KCNMB4: variants seen among roughly 807,000 people sequenced by gnomAD.
The protein encoded by KCNMB4 is calcium-activated potassium channel subunit beta-4.
A neutral mutation model predicts 20.7 loss-of-function variants in KCNMB4; 3 were observed. The observed-to-expected ratio is 0.14, with a 90% CI of 0.07 to 0.37. The LOEUF (loss-of-function observed/expected upper bound fraction) is 0.37, where lower values mean the gene tolerates loss of function less well. KCNMB4 is among the 10% of genes least tolerant of loss of function. The probability of loss-of-function intolerance (pLI) is 1.00; values close to 1 mark genes in which losing one functional copy is unlikely to be tolerated. For synonymous variants in KCNMB4, 110 were observed against 113.4 expected (o/e 0.97, Z 0.19); for missense variants, 168 against 265.9 (o/e 0.63, Z 2.56).
chr12:70,418,289 G>A (rs1454221005), intron 2 of KCNMB4, among the ~76,000 whole-genome samples: 1 of 152,176 alleles, frequency 6.6e-6, no homozygotes, highest in Non-Finnish European at 1.5e-5. Context: ...CGTTGCAAGT[G>A]TGTGATCTGT....
At chr12:70,370,647 C>G (rs1414555499) in intron 1 of KCNMB4, among the ~76,000 whole-genome samples, 1 of 151,456 alleles carries the variant, frequency 6.6e-6, no homozygotes, top group Non-Finnish European at 1.5e-5. Context: ...AAAGGAAATT[C>G]TGAAGGAAAG....
rs148934814 is a variant in KCNMB4, at chr12:70,419,780, G to A, written c.465-10705G>A. Among the ~76,000 whole-genome samples the A allele has an allele frequency of 2.9e-3, 435 of 152,226 alleles. 2 individuals carry two copies. Among genetic ancestry groups the A allele is most frequent in the African/African-American group, 0.01 (426 of 41,546 alleles). On this transcript the variant is annotated intron_variant, in intron 2 of 2. Transcript: ENST00000258111. Reference sequence around the variant, plus strand: ...AAAGATGTATTACAAAGACAAAAAGGATATTCTATAAAAAGTAAGGAGGCA... The same window carrying A: ...AAAGATGTATTACAAAGACAAAAAGAATATTCTATAAAAAGTAAGGAGGCA...
At chr12:70,426,373 C>T (rs1210127335) in intron 2 of KCNMB4, among the ~76,000 whole-genome samples, 1 of 151,976 alleles carries the variant, frequency 6.6e-6, no homozygotes, top group African/African-American at 2.4e-5. Flanking sequence ...AGCTAAGTAG[C>T]ATTGCATTTC....
chr12:70,410,662 CAT>C (rs1464268962), intron 2 of KCNMB4, among the ~76,000 whole-genome samples: 1 of 152,168 alleles, frequency 6.6e-6, no homozygotes, highest in Non-Finnish European at 1.5e-5. Context: ...TTAGTAAACA[CAT>C]ATGCTTTTCT....
chr12:70,389,597 G>A (rs1868283882), intron 1 of KCNMB4, among the ~76,000 whole-genome samples: 1 of 152,140 alleles, frequency 6.6e-6, no homozygotes, highest in Non-Finnish European at 1.5e-5. Flanking sequence ...GGGGGGCTAA[G>A]GCAGAAGGAT....
At chr12:70,392,628 A>G (rs1868309726) in intron 1 of KCNMB4, among the ~76,000 whole-genome samples, 1 of 152,236 alleles carries the variant, frequency 6.6e-6, no homozygotes, top group Non-Finnish European at 1.5e-5. Flanking sequence ...TGGCACGTAT[A>G]CACCATGGAA....
Position 70,430,664 on chromosome 12 carries a change from G to A in KCNMB4, c.*11G>A. On this transcript the variant is annotated 3_prime_UTR_variant, in exon 3 of 3. Coordinates refer to ENST00000258111, the MANE Select transcript of KCNMB4 (RefSeq NM_014505.6). ...CGCAAGTTCTCTTAAAGGGGAAGGA[G>A]GCTTGTAGAAAGCAAAGTACAGAAG... 13 of 1,598,296 alleles carry A rather than the reference G, an allele frequency of 8.1e-6. No homozygotes were observed. The highest frequency in any genetic ancestry group is 1.4e-5 in the African/African-American group (1 of 73,798).
chr12:70,410,884 T>G (rs1024053033), intron 2 of KCNMB4, among the ~76,000 whole-genome samples: 3 of 152,210 alleles, frequency 2.0e-5, no homozygotes, highest in Non-Finnish European at 4.4e-5. Context: ...ATTTCTAAGT[T>G]CACTCAAAGT....
At chr12:70,382,094 A>G (rs1442531073) in intron 1 of KCNMB4, among the ~76,000 whole-genome samples, 1 of 152,248 alleles carries the variant, frequency 6.6e-6, no homozygotes, top group Non-Finnish European at 1.5e-5. Flanking sequence ...TATTTGGAAA[A>G]TATTTACTTA....
At chr12:70,370,971 A>G (rs753637773) in intron 1 of KCNMB4, among the ~76,000 whole-genome samples, 3 of 152,066 alleles carry the variant, frequency 2.0e-5, no homozygotes, top group Non-Finnish European at 2.9e-5. Context: ...ATTCCCCTGC[A>G]TCAGCCACCC....
chr12:70,406,258 G>A (rs996354433), intron 2 of KCNMB4, among the ~76,000 whole-genome samples: 1 of 152,096 alleles, frequency 6.6e-6, no homozygotes, highest in Admixed American at 6.5e-5. Context: ...CAACAGTAAT[G>A]TATTGTACAC....
chr12:70,422,900 A>G, intron 2 of KCNMB4: 2 of 1,097,234 alleles, frequency 1.8e-6, no homozygotes. Flanking sequence ...CAGAGTGGCG[A>G]CGGTTTCCCC....
chr12:70,408,685 C>T (rs979210068), intron 2 of KCNMB4, among the ~76,000 whole-genome samples: 1 of 151,840 alleles, frequency 6.6e-6, no homozygotes, highest in African/African-American at 2.4e-5. Flanking sequence ...GGGTTGAGTC[C>T]ATTTGTGGCC....
intron 2 of KCNMB4, among the ~76,000 whole-genome samples, chr12:70,414,822 A>T (rs969342065): frequency 2.6e-5 from 4 of 152,184 alleles, no homozygotes; most frequent in African/African-American, 9.7e-5. Context: ...TTTAAAATTT[A>T]TTCCTATATG....
At chr12:70,383,640 C>A (rs112285895) in intron 1 of KCNMB4, among the ~76,000 whole-genome samples, 2 of 152,338 alleles carry the variant, frequency 1.3e-5, no homozygotes, top group East Asian at 3.9e-4. Flanking sequence ...CTTGCCTCTT[C>A]CTAGCAATGG....
chr12:70,419,240 C>G (rs180994852), intron 2 of KCNMB4, among the ~76,000 whole-genome samples: 2 of 152,142 alleles, frequency 1.3e-5, no homozygotes, highest in African/African-American at 4.8e-5. Flanking sequence ...TTCTTTAGCA[C>G]TAGGCATCGC....
intron 1 of KCNMB4, among the ~76,000 whole-genome samples, chr12:70,398,091 A>G (rs979759848): frequency 6.6e-6 from 1 of 152,224 alleles, no homozygotes; most frequent in South Asian, 2.1e-4. Context: ...ACATTTTTCT[A>G]ATGCAAAGTG....
At chr12:70,417,455 G>A (rs2136138915) in intron 2 of KCNMB4, among the ~76,000 whole-genome samples, 1 of 152,286 alleles carries the variant, frequency 6.6e-6, no homozygotes, top group South Asian at 2.1e-4. Context: ...CAGTTGTTAT[G>A]CACACATTGG....
intron 1 of KCNMB4, 145 bp from the exon 2 acceptor site, chr12:70,400,064 A>G: frequency 1.8e-6 from 1 of 568,482 alleles, no homozygotes; most frequent in Non-Finnish European, 2.9e-6. Context: ...AATATAGTTT[A>G]GTAATTTCAA....
Sources: gnomAD v4.1 joint callset for allele counts (sites outside exome capture counted in the v4.1 genomes callset) on GRCh38, gnomAD v4.1.1 for gene constraint, MANE v1.5 for transcripts, NCBI Gene and HGNC (gene_info 2026-07-23, HGNC 2026-07-21) for gene names.